Variants in SERGEF observed in about 807,000 individuals in gnomAD.
SERGEF encodes secretion-regulating guanine nucleotide exchange factor.
Under a neutral mutation model 50.0 loss-of-function variants are expected in SERGEF, and 51 were observed. That is an observed-to-expected ratio of 1.02 (90% CI 0.81 to 1.29). The LOEUF is 1.29. SERGEF is among the 50% of genes most tolerant of loss of function. The probability of loss-of-function intolerance (pLI) is 0.00; values close to 1 mark genes in which losing one functional copy is unlikely to be tolerated. For synonymous variants in SERGEF, 205 were observed against 212.4 expected (o/e 0.97, Z 0.30); for missense variants, 521 against 557.0 (o/e 0.94, Z 0.65).
chr11:17,944,729 C>A (rs1489199714), intron 9 of SERGEF, among the ~76,000 whole-genome samples: 1 of 152,210 alleles, frequency 6.6e-6, no homozygotes, highest in Non-Finnish European at 1.5e-5. Flanking sequence ...GCATGAAAAA[C>A]CCGCTTCTCT....
At chr11:18,008,996 A>G (rs941597182) in intron 1 of SERGEF, among the ~76,000 whole-genome samples, 1 of 152,076 alleles carries the variant, frequency 6.6e-6, no homozygotes, top group Non-Finnish European at 1.5e-5. Flanking sequence ...CTTGTCCTTG[A>G]GTAACCACGG....
At chr11:17,955,311 G>A in intron 9 of SERGEF, among the ~76,000 whole-genome samples, 1 of 152,086 alleles carries the variant, frequency 6.6e-6, no homozygotes, top group East Asian at 1.9e-4. Flanking sequence ...TTACATACCT[G>A]GAAGTTCTTT....
chr11:17,916,932 A>C (rs1852058974), intron 9 of SERGEF, among the ~76,000 whole-genome samples: 1 of 152,208 alleles, frequency 6.6e-6, no homozygotes, highest in South Asian at 2.1e-4. Context: ...TTGAATACGG[A>C]TGCAGTGAAC....
intron 10 of SERGEF, among the ~76,000 whole-genome samples, chr11:17,847,195 T>A (rs764367183): frequency 6.6e-6 from 1 of 152,196 alleles, no homozygotes; most frequent in Non-Finnish European, 1.5e-5. Context: ...TGTAAGCAGG[T>A]GGGTGGGCGC....
intron 9 of SERGEF, among the ~76,000 whole-genome samples, chr11:17,923,213 G>C (rs1852190058): frequency 6.6e-6 from 1 of 152,210 alleles, no homozygotes; most frequent in Non-Finnish European, 1.5e-5. Context: ...GTCTAGCCAG[G>C]CTTCTGCCCT....
chr11:17,959,775 C>T (rs1852959533), intron 8 of SERGEF, 139 bp from the exon 9 acceptor site: 1 of 686,002 alleles, frequency 1.5e-6, no homozygotes, highest in Non-Finnish European at 2.4e-6. Context: ...GTAAAGAAGG[C>T]ACATGCACTC....
chr11:17,803,315 G>A (rs987268468), intron 10 of SERGEF, among the ~76,000 whole-genome samples: 1 of 152,210 alleles, frequency 6.6e-6, no homozygotes, highest in Non-Finnish European at 1.5e-5. Context: ...GTCCATCCCA[G>A]CCCTTCAAAT....
chr11:17,840,426 C>A (rs544221691), intron 10 of SERGEF, among the ~76,000 whole-genome samples: 1 of 152,170 alleles, frequency 6.6e-6, no homozygotes, highest in Non-Finnish European at 1.5e-5. Context: ...CCCACCACCC[C>A]CTTCCTGCCC....
chr11:17,972,587 A>G (rs1853272408), intron 8 of SERGEF, among the ~76,000 whole-genome samples: 1 of 152,270 alleles, frequency 6.6e-6, no homozygotes, highest in African/African-American at 2.4e-5. Flanking sequence ...ACAGTATAGT[A>G]TAACACAACT....
At chr11:17,795,545 G>A (rs776612087) in intron 10 of SERGEF, among the ~76,000 whole-genome samples, 5 of 152,118 alleles carry the variant, frequency 3.3e-5, no homozygotes, top group African/African-American at 4.8e-5. Context: ...CCAAGTCCAG[G>A]CCCCTTAGCT....
chr11:17,878,463 T>C (rs1187729541), intron 9 of SERGEF, among the ~76,000 whole-genome samples: 3 of 152,186 alleles, frequency 2.0e-5, no homozygotes, highest in African/African-American at 4.8e-5. Context: ...ATTCATCAGA[T>C]ATTAAAGTTG....
intron 10 of SERGEF, among the ~76,000 whole-genome samples, chr11:17,823,125 T>C (rs536648801): frequency 5.4e-4 from 83 of 152,352 alleles, no homozygotes; most frequent in Non-Finnish European, 1.0e-3. Context: ...TCTCCAACTT[T>C]GTTTTTGATG....
At chr11:17,932,526 G>A (rs1852374324) in intron 9 of SERGEF, among the ~76,000 whole-genome samples, 1 of 152,142 alleles carries the variant, frequency 6.6e-6, no homozygotes, top group African/African-American at 2.4e-5. Context: ...ATGAGAAAGA[G>A]ACTGCTTAGA....
At chr11:17,803,198 T>C (rs1590122893) in intron 10 of SERGEF, among the ~76,000 whole-genome samples, 1 of 152,220 alleles carries the variant, frequency 6.6e-6, no homozygotes, top group Non-Finnish European at 1.5e-5. Flanking sequence ...TTCTGTAGGG[T>C]GGCTGCAGCC....
intron 9 of SERGEF, among the ~76,000 whole-genome samples, chr11:17,911,715 T>C (rs1368782013): frequency 6.6e-6 from 1 of 152,130 alleles, no homozygotes; most frequent in Admixed American, 6.6e-5. Flanking sequence ...CTCAAACTTC[T>C]GGGCTCCAGC....
At chr11:17,900,350 C>T (rs1388627900) in intron 9 of SERGEF, among the ~76,000 whole-genome samples, 1 of 152,176 alleles carries the variant, frequency 6.6e-6, no homozygotes, top group Non-Finnish European at 1.5e-5. Context: ...CAGTATTGTA[C>T]AAAGTACCCT....
In SERGEF at chr11:17,959,663, G is replaced by T. The variant is rs752617431; in HGVS notation, c.845-27C>A. On this transcript the variant is annotated intron_variant, in intron 8 of 10. Transcript: ENST00000265965. ...TAAAAACAAATATTATTTGAATTAA[G>T]ACTACATTCCACAGCTGTGCTCTCA... 3.1e-6 allele frequency: 5 copies of T among 1,591,350 alleles called. No individual in the cohort carries two copies. In the South Asian group the frequency reaches 4.6e-5, roughly 15 times the overall value.
chr11:17,794,743 C>T (rs192750325), intron 10 of SERGEF, among the ~76,000 whole-genome samples: 11 of 152,316 alleles, frequency 7.2e-5, no homozygotes, highest in Admixed American at 5.2e-4. Context: ...GAGCTGGATT[C>T]GAACCCAGAC....
intron 8 of SERGEF, among the ~76,000 whole-genome samples, chr11:17,972,102 G>A (rs1259245125): frequency 6.6e-6 from 1 of 152,196 alleles, no homozygotes; most frequent in East Asian, 1.9e-4. Flanking sequence ...CTTATGGATG[G>A]CAAAGAAAGT....
Sources: allele counts gnomAD v4.1 joint callset (sites outside exome capture counted in the v4.1 genomes callset), GRCh38; gene constraint gnomAD v4.1.1; transcripts MANE v1.5; gene names NCBI Gene and HGNC (gene_info 2026-07-23, HGNC 2026-07-21).